DYNC2H1: variants seen among roughly 807,000 people sequenced by gnomAD.
The protein encoded by DYNC2H1 is dynein cytoplasmic 2 heavy chain 1.
DYNC2H1 carries 410 observed loss-of-function variants against 570.0 expected under a neutral mutation model. That is an observed-to-expected ratio of 0.72 (90% CI 0.66 to 0.78). The LOEUF is 0.78. Among genes scored for constraint, DYNC2H1 ranks in the 30% least tolerant of loss-of-function variants. The pLI, the probability that DYNC2H1 is intolerant of heterozygous loss-of-function variation, is 0.00. For synonymous variants in DYNC2H1, 1,688 were observed against 1,677.6 expected, an observed-to-expected ratio of 1.01 and a Z score of -0.15; for missense variants, 4,865 against 5,046.4, an observed-to-expected ratio of 0.96 and a Z score of 1.09.
chr11:103,415,838 G>C (rs1943260878), intron 84 of DYNC2H1, among the ~76,000 whole-genome samples: 1 of 152,114 alleles, frequency 6.6e-6, no homozygotes. Context: ...CTACTATAAA[G>C]ACACATGCGC....
In DYNC2H1 at chr11:103,461,627, T is replaced by G. The variant is rs1405768231; in HGVS notation, c.12648+5271T>G. On this transcript the variant is annotated intron_variant, in intron 87 of 88. Transcript: ENST00000375735. This position sits in a 1 kb window ranked among gnomAD's most constrained non-coding sequence, Gnocchi z 4.8. Reference sequence around the variant, plus strand: ...GCCATATGCGGTATAGTATATACAGTAACCACATATGGCTGCTGAGCACAT... The same window carrying G: ...GCCATATGCGGTATAGTATATACAGGAACCACATATGGCTGCTGAGCACAT... 2.0e-5 allele frequency among the ~76,000 whole-genome samples: 3 copies of G among 152,178 alleles called. No homozygotes were observed. The highest frequency in any genetic ancestry group is 7.2e-5 in the African/African-American group (3 of 41,458).
chr11:103,257,167 G>A (rs764525333), intron 68 of DYNC2H1, among the ~76,000 whole-genome samples: 1 of 152,094 alleles, frequency 6.6e-6, no homozygotes, highest in African/African-American at 2.4e-5. Flanking sequence ...ATAAAAGAAG[G>A]CCAAGGGAGT....
At chr11:103,168,694 A>T (rs1018916356) in intron 31 of DYNC2H1, 61 bp from the exon 32 acceptor site, 2 of 1,525,880 alleles carry the variant, frequency 1.3e-6, no homozygotes, top group East Asian at 4.5e-5. Flanking sequence ...ACGTAATCAT[A>T]AATTATATAA....
intron 85 of DYNC2H1, among the ~76,000 whole-genome samples, chr11:103,448,950 A>G (rs937671217): frequency 6.6e-6 from 1 of 152,260 alleles, no homozygotes; most frequent in Middle Eastern, 3.4e-3. Flanking sequence ...AATTCCTACT[A>G]GTAGCATGTA....
chr11:103,243,801 AT>A lies in DYNC2H1; in HGVS notation c.9918+13del. The A allele has an allele frequency of 6.5e-7, 1 of 1,544,470 alleles. No homozygotes were observed. Among genetic ancestry groups the A allele is most frequent in the Non-Finnish European group, 8.8e-7 (1 of 1,136,382 alleles). On this transcript the variant is annotated intron_variant, in intron 64 of 88. Coordinates refer to ENST00000375735, the MANE Select transcript of DYNC2H1 (RefSeq NM_001377.3). The surrounding 1 kb of genome is among the most constrained non-coding windows in gnomAD (Gnocchi z 4.8). Reference sequence around the variant, plus strand: ...AGTTATCAATCAGCAGGTATGTATTATTTATAATTTACATACCAATTAGGAA... The same window carrying A: ...AGTTATCAATCAGCAGGTATGTATTATTATAATTTACATACCAATTAGGAA...
intron 83 of DYNC2H1, among the ~76,000 whole-genome samples, chr11:103,378,041 G>C (rs1160475713): frequency 6.6e-6 from 1 of 152,128 alleles, no homozygotes; most frequent in Non-Finnish European, 1.5e-5. Flanking sequence ...CAGGCTGAAG[G>C]CTGCTTTTTA....
chr11:103,145,206 T>C lies in DYNC2H1; in HGVS notation c.2702+1811T>C, dbSNP rs573737506. Among the ~76,000 whole-genome samples the C allele has an allele frequency of 3.3e-4, 51 of 152,250 alleles. No individual in the cohort carries two copies. The highest frequency in any genetic ancestry group is 1.2e-3 in the African/African-American group (49 of 41,550). On this transcript the variant is annotated intron_variant, in intron 18 of 88. Transcript: ENST00000375735. This position sits in a 1 kb window ranked among gnomAD's most constrained non-coding sequence, Gnocchi z 4.2. Reference sequence around the variant, plus strand: ...ATAATAATTAATTGAATTATCTTGTTGGAACTCAAAATGAGGAGGAGGAAA... The same window carrying C: ...ATAATAATTAATTGAATTATCTTGTCGGAACTCAAAATGAGGAGGAGGAAA...
intron 83 of DYNC2H1, among the ~76,000 whole-genome samples, chr11:103,394,767 A>G (rs545765399): frequency 3.8e-4 from 58 of 152,142 alleles, no homozygotes; most frequent in African/African-American, 1.3e-3. Context: ...ACCCTGTGCT[A>G]TGGGAGGGGA....
At chr11:103,454,673 T>C (rs1335575264) in intron 85 of DYNC2H1, among the ~76,000 whole-genome samples, 2 of 152,228 alleles carry the variant, frequency 1.3e-5, no homozygotes, top group Non-Finnish European at 2.9e-5. Flanking sequence ...AAATATACTT[T>C]ATATTGATAT....
chr11:103,194,388 A>G (rs1170513715), intron 47 of DYNC2H1, among the ~76,000 whole-genome samples: 1 of 152,094 alleles, frequency 6.6e-6, no homozygotes, highest in Non-Finnish European at 1.5e-5. Flanking sequence ...ACTCTTGTAC[A>G]GGTTTTTGTG....
At chr11:103,396,447 T>A (rs1942397895) in intron 83 of DYNC2H1, among the ~76,000 whole-genome samples, 1 of 152,248 alleles carries the variant, frequency 6.6e-6, no homozygotes, top group African/African-American at 2.4e-5. Flanking sequence ...AAGTCTGACG[T>A]GTTTACTCTC....
At chr11:103,447,921 CA>C (rs1324867938) in intron 85 of DYNC2H1, among the ~76,000 whole-genome samples, 1 of 151,842 alleles carries the variant, frequency 6.6e-6, no homozygotes, top group African/African-American at 2.4e-5. Flanking sequence ...AGGTAGGACC[CA>C]AAATACTAGG....
rs892765854 is a variant in DYNC2H1, at chr11:103,461,654, C to T, written c.12648+5298C>T. 2.6e-5 allele frequency among the ~76,000 whole-genome samples: 4 copies of T among 151,836 alleles called. No individual in the cohort carries two copies. Among genetic ancestry groups the T allele is most frequent in the South Asian group, 2.1e-4 (1 of 4,808 alleles). ...ACCACATATGGCTGCTGAGCACATA[C>T]GGGTACTATATTGTAGCTCTGCATG... is the stretch of plus-strand genomic sequence containing the variant. On this transcript the variant is annotated intron_variant, in intron 87 of 88. Transcript: ENST00000375735. The surrounding 1 kb of genome is among the most constrained non-coding windows in gnomAD (Gnocchi z 4.8).
At position 103,199,187 on chromosome 11, in the gene DYNC2H1, G is replaced by C; in HGVS notation, c.7840-41G>C. 1 of 1,330,800 alleles carries C rather than the reference G, an allele frequency of 7.5e-7. No homozygotes were observed. Among genetic ancestry groups the C allele is most frequent in the East Asian group, 2.5e-5 (1 of 39,248 alleles). The allele number at this position is 1,330,800 out of a possible 1,614,324, so 82.4% of individuals were successfully genotyped here. A position where few individuals can be genotyped will look rare whatever the true frequency, so the allele number is the denominator to read the frequency against. On this transcript the variant is annotated intron_variant, in intron 48 of 88. Transcript: ENST00000375735. The surrounding 1 kb of genome is among the most constrained non-coding windows in gnomAD (Gnocchi z 4.6). The stretch of plus-strand genomic sequence containing the variant: ...AAGTAACATTTTTATTATGTAATTA[G>C]GGCTTATATTAATTATAAAATATTC...
chr11:103,273,685 G>A (rs1865796199), intron 70 of DYNC2H1, among the ~76,000 whole-genome samples: 1 of 152,122 alleles, frequency 6.6e-6, no homozygotes, highest in African/African-American at 2.4e-5. Context: ...TAGGCAACCA[G>A]ATATAGGGCC....
At position 103,204,839 on chromosome 11, in the gene DYNC2H1, C is replaced by T. The variant is rs973415932; in HGVS notation, c.8329C>T (p.His2777Tyr). 2 of 1,586,978 alleles carry T rather than the reference C, an allele frequency of 1.3e-6. No individual in the cohort carries two copies. The highest frequency in any genetic ancestry group is 2.7e-5 in the African/African-American group (2 of 74,172). ...YFTYRIQQNLHIVLIMDSANS... is the reference protein window; with the variant it reads ...YFTYRIQQNLYIVLIMDSANS... ...TTTCTTAGGAATTCAGCAAAACTTG[C>T]ATATTGTCTTGATAATGGATTCTGC... Residue 2777 changes from histidine (H) to tyrosine (Y), a missense_variant, in exon 52 of 89, where the codon CAT (histidine) becomes TAT (tyrosine). Coordinates refer to ENST00000375735, the MANE Select transcript of DYNC2H1 (RefSeq NM_001377.3). This position sits in a 1 kb window ranked among gnomAD's most constrained non-coding sequence, Gnocchi z 4.1.
chr11:103,373,196 A>G (rs1941244880), intron 83 of DYNC2H1, among the ~76,000 whole-genome samples: 1 of 152,052 alleles, frequency 6.6e-6, no homozygotes, highest in Admixed American at 6.6e-5. Context: ...TGGCCTCCCA[A>G]AGTGCTGGGT....
chr11:103,179,744 C>T (rs1304788678), intron 39 of DYNC2H1, among the ~76,000 whole-genome samples: 1 of 151,136 alleles, frequency 6.6e-6, no homozygotes, highest in African/African-American at 2.4e-5. Context: ...TTTTTTTCTT[C>T]TTCAGTATAT....
intron 87 of DYNC2H1, among the ~76,000 whole-genome samples, chr11:103,459,488 G>C (rs12791662): frequency 0.05 from 7,637 of 152,044 alleles, 387 homozygotes; most frequent in East Asian, 0.24. Flanking sequence ...TACATAATAA[G>C]CATTCGATCA....
Sources: gnomAD v4.1 joint callset for allele counts (sites outside exome capture counted in the v4.1 genomes callset) on GRCh38, gnomAD v4.1.1 for gene constraint, Gnocchi (gnomAD v3.1) non-coding constraint, MANE v1.5 for transcripts, NCBI Gene and HGNC (gene_info 2026-07-23, HGNC 2026-07-21) for gene names.